The following ITSN2 variants were observed in gnomAD, a reference collection of about 807,000 sequenced individuals.
The protein encoded by ITSN2 is intersectin-2.
In ITSN2, 156 loss-of-function variants were observed where a neutral mutation model predicts 243.7. The ratio of observed to expected loss-of-function variants is 0.64; its 90% CI spans 0.56 to 0.73. ITSN2 has a LOEUF of 0.73. ITSN2 is among the 30% of genes least tolerant of loss of function. The probability of loss-of-function intolerance (pLI) is 0.00; values close to 1 mark genes in which losing one functional copy is unlikely to be tolerated. For synonymous variants in ITSN2, 703 were observed against 699.9 expected, an observed-to-expected ratio of 1.00 and a Z score of -0.07; for missense variants, 1,801 against 1,996.1, an observed-to-expected ratio of 0.90 and a Z score of 1.86.
chr2:24,245,358 T>A (rs1028262211), intron 29 of ITSN2, among the ~76,000 whole-genome samples: 1 of 152,226 alleles, frequency 6.6e-6, no homozygotes. Context: ...AATTTTTAAT[T>A]TTCTTCCAAC....
intron 29 of ITSN2, among the ~76,000 whole-genome samples, chr2:24,235,252 A>C (rs144497069): frequency 6.6e-6 from 1 of 152,168 alleles, no homozygotes; most frequent in South Asian, 2.1e-4. Flanking sequence ...GTACTGTGTG[A>C]TTCCAATCAT....
intron 31 of ITSN2, 144 bp downstream of exon 31, chr2:24,217,763 A>G (rs1424932435): frequency 1.5e-5 from 8 of 539,666 alleles, no homozygotes; most frequent in Middle Eastern, 4.7e-4. Flanking sequence ...GATATTTCAT[A>G]AAATGATAAT....
chr2:24,295,927 C>T lies in ITSN2; in HGVS notation c.1495-123G>A, dbSNP rs4233705. The T allele has an allele frequency of 0.98, 673,437 of 687,440 alleles. 329,888 individuals are homozygous for T. Among genetic ancestry groups the T allele is most frequent in the Non-Finnish European group, 0.98 (449,284 of 457,972 alleles). The allele number at this position is 687,440 out of a possible 1,614,324, so 42.6% of individuals were successfully genotyped here. A position where few individuals can be genotyped will look rare whatever the true frequency, so the allele number is the denominator to read the frequency against. On this transcript the variant is annotated intron_variant, in intron 13 of 39. Coordinates refer to ENST00000355123, the MANE Select transcript of ITSN2 (RefSeq NM_006277.3). ...GTTATCATTCATATTCATCCTGAAA[C>T]AAATGCCTAAAACCAAGTGGAATGT...
intron 22 of ITSN2, among the ~76,000 whole-genome samples, chr2:24,260,390 A>G (rs571691541): frequency 2.6e-5 from 4 of 151,456 alleles, no homozygotes; most frequent in Non-Finnish European, 5.9e-5. Flanking sequence ...ATGTAACCCT[A>G]TTGCAATAGT....
chr2:24,208,718 G>A (rs115747908), intron 36 of ITSN2, among the ~76,000 whole-genome samples: 3,139 of 152,324 alleles, frequency 0.021, 33 homozygotes, highest in South Asian at 0.045. Flanking sequence ...ACACAAGGGC[G>A]CCTGAGGGGC....
At chr2:24,246,674 T>C in intron 28 of ITSN2, 123 bp downstream of exon 28, 1 of 659,698 alleles carries the variant, frequency 1.5e-6, no homozygotes, top group Non-Finnish European at 2.6e-6. Context: ...GGCATGTCCC[T>C]TTTAAGCAGA....
intron 1 of ITSN2, among the ~76,000 whole-genome samples, chr2:24,358,458 C>T (rs950930381): frequency 6.6e-6 from 1 of 152,100 alleles, no homozygotes; most frequent in Non-Finnish European, 1.5e-5. Flanking sequence ...CATGCAGTTA[C>T]GTGCTCGATA....
chr2:24,329,141 A>AT (rs1685496906), intron 1 of ITSN2, among the ~76,000 whole-genome samples: 1 of 152,238 alleles, frequency 6.6e-6, no homozygotes, highest in Admixed American at 6.5e-5. Context: ...AATGGCTGCT[A>AT]TTTTGCAAAC....
intron 17 of ITSN2, among the ~76,000 whole-genome samples, chr2:24,279,548 C>T (rs1558541722): frequency 2.0e-5 from 3 of 152,020 alleles, no homozygotes; most frequent in Non-Finnish European, 4.4e-5. Flanking sequence ...CAAGACTTTG[C>T]AAAGAAGACA....
chr2:24,241,030 T>C (rs896930529), intron 29 of ITSN2: 1 of 152,162 alleles, frequency 6.6e-6, no homozygotes, highest in Non-Finnish European at 1.5e-5. Context: ...AAATCAATCT[T>C]AGAGCCTCAA....
At chr2:24,210,339 T>C (rs1483522365) in intron 34 of ITSN2, 4 of 360,794 alleles carry the variant, frequency 1.1e-5, no homozygotes, top group African/African-American at 6.1e-5. Flanking sequence ...CAAGAAGGAA[T>C]GCCCTTCATG....
intron 17 of ITSN2, among the ~76,000 whole-genome samples, chr2:24,282,045 C>T (rs186132827): frequency 3.3e-5 from 5 of 152,356 alleles, no homozygotes; most frequent in Admixed American, 2.6e-4. Context: ...GCTTCAGCCT[C>T]GGGCCTATGC....
chr2:24,307,025 C>T (rs1682640795), intron 8 of ITSN2, among the ~76,000 whole-genome samples: 1 of 152,064 alleles, frequency 6.6e-6, no homozygotes, highest in African/African-American at 2.4e-5. Flanking sequence ...AGGATGGTCT[C>T]GATCTCTTGA....
intron 31 of ITSN2, among the ~76,000 whole-genome samples, chr2:24,216,881 T>C (rs1403442661): frequency 2.6e-5 from 4 of 151,994 alleles, no homozygotes; most frequent in Non-Finnish European, 5.9e-5. Context: ...GTCAGGAGAT[T>C]GAGACCATCC....
chr2:24,304,598 T>C (rs1249631217), intron 8 of ITSN2, among the ~76,000 whole-genome samples: 1 of 152,176 alleles, frequency 6.6e-6, no homozygotes, highest in Non-Finnish European at 1.5e-5. Context: ...GAAATTTGAT[T>C]TGAGGAGGTC....
chr2:24,225,353 C>T lies in ITSN2; in HGVS notation c.3578-4287G>A, dbSNP rs899305605. On this transcript the variant is annotated intron_variant, in intron 29 of 39. Transcript: ENST00000355123. The surrounding 1 kb of genome is among the most constrained non-coding windows in gnomAD (Gnocchi z 4.2). Reference sequence around the variant, plus strand: ...GGGGTTTACACCCATGGCCAACTCTCGCTAGCTTTCCCTGTCACATCTCCA... The same window carrying T: ...GGGGTTTACACCCATGGCCAACTCTTGCTAGCTTTCCCTGTCACATCTCCA... 3.9e-5 allele frequency among the ~76,000 whole-genome samples: 6 copies of T among 152,210 alleles called. No individual in the cohort carries two copies. The highest frequency in any genetic ancestry group is 7.3e-5 in the Non-Finnish European group (5 of 68,040).
At chr2:24,325,936 C>CACACAT (rs1339966951) in intron 2 of ITSN2, among the ~76,000 whole-genome samples, 2 of 151,814 alleles carry the variant, frequency 1.3e-5, no homozygotes, top group Non-Finnish European at 2.9e-5. Context: ...CATACACACA[C>CACACAT]ACACATACAC....
chr2:24,250,305 A>C (rs988098471), intron 25 of ITSN2, among the ~76,000 whole-genome samples: 5 of 152,220 alleles, frequency 3.3e-5, no homozygotes, highest in Non-Finnish European at 1.5e-5. Context: ...CATTTTCTTA[A>C]AAATGAAGTA....
rs183847914 is a variant in ITSN2 at position 24,214,462 on chromosome 2, G to A, written c.3990+1587C>T. ...AATTTTCTCCTTGGTGTATAGTATC[G>A]TAATAGTAAGATTTTCTATTTTTAA... On this transcript the variant is annotated intron_variant, in intron 32 of 39. Transcript: ENST00000355123. The A allele has an allele frequency of 1.2e-4, 19 of 152,152 alleles. No individual in the cohort carries two copies. The East Asian group carries it at 2.5e-3, about 20-fold the overall frequency. The allele number at this position is 152,152 out of a possible 1,614,324, so 9.4% of individuals were successfully genotyped here.
Sources: allele counts gnomAD v4.1 joint callset (sites outside exome capture counted in the v4.1 genomes callset), GRCh38; gene constraint gnomAD v4.1.1; non-coding constraint Gnocchi (gnomAD v3.1); transcripts MANE v1.5; gene names NCBI Gene and HGNC (gene_info 2026-07-23, HGNC 2026-07-21).